INTS6: variants seen among roughly 807,000 people sequenced by gnomAD.
The protein encoded by INTS6 is DEAD box protein.
Under a neutral mutation model 104.9 loss-of-function variants are expected in INTS6, and 16 were observed. The observed-to-expected ratio is 0.15, with a 90% CI of 0.10 to 0.23. The LOEUF (loss-of-function observed/expected upper bound fraction) is 0.23, where lower values mean the gene tolerates loss of function less well. Among genes scored for constraint, INTS6 ranks in the 10% least tolerant of loss-of-function variants. INTS6 has a pLI of 1.00. For missense variants in INTS6, 584 were observed against 1,062.8 expected, an observed-to-expected ratio of 0.55 and a Z score of 6.26; for synonymous variants, 324 against 358.7, an observed-to-expected ratio of 0.90 and a Z score of 1.09.
In INTS6 at chr13:51,452,288, G is replaced by A. The variant is rs1308986729; in HGVS notation, c.111+127C>T. On this transcript the variant is annotated intron_variant, in intron 1 of 17. Transcript: ENST00000311234. The surrounding 1 kb of genome is among the most constrained non-coding windows in gnomAD (Gnocchi z 4.2). The stretch of plus-strand genomic sequence containing the variant: ...GCCCGCCCGCCCGCGCGGTGGGGGA[G>A]GGGGTCCCCGAGCCCGGCAGCTCCC... 1.3e-5 allele frequency: 13 copies of A among 1,018,696 alleles called. No homozygotes were observed. Among genetic ancestry groups the A allele is most frequent in the Non-Finnish European group, 1.6e-5 (13 of 812,808 alleles). 63.1% of individuals were successfully genotyped at this position (1,018,696 alleles called of 1,614,324 possible). A position where few individuals can be genotyped will look rare whatever the true frequency, so the allele number is the denominator to read the frequency against.
At chr13:51,348,697 C>T in the INTS6 span, 1 of 387,590 alleles carries the variant, frequency 2.6e-6, no homozygotes, top group Non-Finnish European at 4.7e-6. Flanking sequence ...CCCCCCAGGA[C>T]CCCCTGATCC....
intron 4 of INTS6, among the ~76,000 whole-genome samples, chr13:51,397,939 T>G (rs1411799149): frequency 1.3e-5 from 2 of 151,972 alleles, no homozygotes; most frequent in Non-Finnish European, 2.9e-5. Flanking sequence ...AGAATGAATT[T>G]CAAATGTAAA....
In INTS6 at chr13:51,452,417, T is replaced by G; in HGVS notation, c.109A>C (p.Lys37Gln). ...TAKGAVETFM[K>Q]LRARDPASRG... is the part of the protein sequence containing the mutation. ...GCCCGGGCTCGGTCAGTCGGTACCT[T>G]CATGAAGGTCTCTACCGCGCCTTTG... Residue 37 changes from lysine (K) to glutamine (Q), a missense_variant and splice_region_variant, in exon 1 of 18, where the codon AAG becomes CAG. Lys to Gln is a moderately conservative substitution (Grantham distance 53). Coordinates refer to ENST00000311234, the MANE Select transcript of INTS6 (RefSeq NM_012141.3). This position sits in a 1 kb window ranked among gnomAD's most constrained non-coding sequence, Gnocchi z 4.2. 6.2e-7 allele frequency: 1 copy of G among 1,603,740 alleles called. No individual in the cohort carries two copies. The highest frequency in any genetic ancestry group is 8.5e-7 in the Non-Finnish European group (1 of 1,174,636).
chr13:51,439,738 T>G (rs1013811374), intron 3 of INTS6: 10 of 152,356 alleles, frequency 6.6e-5, no homozygotes, highest in South Asian at 2.1e-4. Flanking sequence ...TGAAAATTAC[T>G]TTAGCCAGAA....
chr13:51,392,525 G>A (rs2137956389), intron 5 of INTS6, among the ~76,000 whole-genome samples: 1 of 152,260 alleles, frequency 6.6e-6, no homozygotes, highest in Admixed American at 6.5e-5. Flanking sequence ...TAGCCTTCCT[G>A]TTGCTTCCAA....
intron 10 of INTS6, 100 bp downstream of exon 10, chr13:51,381,929 C>A: frequency 1.7e-6 from 1 of 571,912 alleles, no homozygotes. Context: ...TCTTGATCTC[C>A]TGACCTCATG....
chr13:51,430,949 T>C (rs1957079542), intron 3 of INTS6, among the ~76,000 whole-genome samples: 1 of 152,096 alleles, frequency 6.6e-6, no homozygotes, highest in Non-Finnish European at 1.5e-5. Flanking sequence ...AGATGAAAAG[T>C]TAAAATTAAA....
the INTS6 span, among the ~76,000 whole-genome samples, chr13:51,334,663 G>A: frequency 6.6e-6 from 1 of 152,248 alleles, no homozygotes; most frequent in East Asian, 1.9e-4. Context: ...GAATAGTAAA[G>A]AGCAGAACTT....
At chr13:51,391,520 C>T (rs1212405773) in intron 5 of INTS6, among the ~76,000 whole-genome samples, 1 of 152,132 alleles carries the variant, frequency 6.6e-6, no homozygotes, top group Admixed American at 6.5e-5. Context: ...TAATGTTCCT[C>T]ATGTGTACTT....
the INTS6 span, among the ~76,000 whole-genome samples, chr13:51,347,788 C>T: frequency 6.6e-6 from 1 of 152,202 alleles, no homozygotes; most frequent in African/African-American, 2.4e-5. Flanking sequence ...AGGCTGTCTA[C>T]AGTATGCCCG....
At chr13:51,414,757 T>C (rs559384504) in intron 4 of INTS6, among the ~76,000 whole-genome samples, 5 of 151,550 alleles carry the variant, frequency 3.3e-5, no homozygotes, top group Non-Finnish European at 7.4e-5. Flanking sequence ...AACAAGAAAA[T>C]ATGTAAGTAC....
At chr13:51,386,354 G>A (rs916801374) in intron 7 of INTS6, among the ~76,000 whole-genome samples, 2 of 152,122 alleles carry the variant, frequency 1.3e-5, no homozygotes, top group East Asian at 1.9e-4. Context: ...TACGGTATCT[G>A]TTCTGTAAGA....
the INTS6 span, among the ~76,000 whole-genome samples, chr13:51,347,638 T>A: frequency 6.6e-6 from 1 of 152,156 alleles, no homozygotes; most frequent in Non-Finnish European, 1.5e-5. Flanking sequence ...GTTATCCGCA[T>A]CAGAAAATAT....
intron 4 of INTS6, among the ~76,000 whole-genome samples, chr13:51,427,808 T>C (rs1341113887): frequency 1.3e-5 from 2 of 152,214 alleles, no homozygotes; most frequent in Non-Finnish European, 2.9e-5. Flanking sequence ...CTGTTGTCAA[T>C]ACTATGCTAG....
chr13:51,390,181 TATACA>T (rs1316678823), intron 5 of INTS6, among the ~76,000 whole-genome samples: 2 of 152,058 alleles, frequency 1.3e-5, no homozygotes, highest in Non-Finnish European at 1.5e-5. Context: ...AGACCTTTGC[TATACA>T]ATACTTTATA....
chr13:51,413,046 T>G (rs1481636964), intron 4 of INTS6, among the ~76,000 whole-genome samples: 1 of 152,180 alleles, frequency 6.6e-6, no homozygotes, highest in African/African-American at 2.4e-5. Context: ...GTGTGACTAT[T>G]ATGTGGCAGG....
Position 51,453,029 on chromosome 13 carries a change from A to G in INTS6, c.-504T>C. On this transcript the variant is annotated 5_prime_UTR_variant, in exon 1 of 18. Coordinates refer to ENST00000311234, the MANE Select transcript of INTS6 (RefSeq NM_012141.3). ...CACCACTTTCTCAGCCCCTCTCGCT[A>G]CTGAAGCGCTTTTCTCTCTCACACT... The G allele has an allele frequency of 9.9e-7, 1 of 1,009,174 alleles. No homozygotes were observed. The highest frequency in any genetic ancestry group is 1.2e-6 in the Non-Finnish European group (1 of 844,816). The allele number at this position is 1,009,174 out of a possible 1,614,324, so 62.5% of individuals were successfully genotyped here. A position where few individuals can be genotyped will look rare whatever the true frequency, so the allele number is the denominator to read the frequency against.
chr13:51,367,788 T>C lies in INTS6; in HGVS notation c.2570+17A>G, dbSNP rs201966920. The C allele has an allele frequency of 4.8e-5, 64 of 1,340,016 alleles. No individual in the cohort carries two copies. The African/African-American group carries it at 8.3e-4, about 17-fold the overall frequency. The allele number at this position is 1,340,016 out of a possible 1,614,324, so 83.0% of individuals were successfully genotyped here. Reference sequence around the variant, plus strand: ...CTCATTTCATCACCATTTCATTATATGCAATAGTTTATTTACCTTGATGCT... The same window carrying C: ...CTCATTTCATCACCATTTCATTATACGCAATAGTTTATTTACCTTGATGCT... On this transcript the variant is annotated intron_variant, in intron 17 of 17. Transcript: ENST00000311234.
chr13:51,383,385 T>G lies in INTS6; in HGVS notation c.1124A>C (p.Asn375Thr). Reference protein sequence around the residue: ...FGYLKASTALNCVNLFVMPYN... With the variant: ...FGYLKASTALTCVNLFVMPYN... ...AGGCATCACAAATAAGTTGACACAG[T>G]TCAGTGCTGTACTGGCTTTCAAGTA... Residue 375 changes from asparagine (N) to threonine (T), a missense_variant, in exon 9 of 18, where the codon AAC (asparagine) becomes ACC (threonine). By Grantham distance (65) the Asn-to-Thr change is moderately conservative. This residue lies in a region of INTS6 where 144 missense variants were observed against 348.7 expected (regional missense o/e 0.41). Coordinates refer to ENST00000311234, the MANE Select transcript of INTS6 (RefSeq NM_012141.3). 1 of 1,613,956 alleles carries G rather than the reference T, an allele frequency of 6.2e-7. No homozygotes were observed. The highest frequency in any genetic ancestry group is 8.5e-7 in the Non-Finnish European group (1 of 1,179,920).
Sources: allele counts gnomAD v4.1 joint callset (sites outside exome capture counted in the v4.1 genomes callset), GRCh38; gene constraint gnomAD v4.1.1; regional missense constraint gnomAD v4.1.1; non-coding constraint Gnocchi (gnomAD v3.1); transcripts MANE v1.5; gene names NCBI Gene and HGNC (gene_info 2026-07-23, HGNC 2026-07-21).